SPATA31H1: variants seen among roughly 807,000 people sequenced by gnomAD.
SPATA31H1 encodes the protein spermatogenesis-associated protein 31H1.
chr2:27,538,364 A>G, the SPATA31H1 span, among the ~76,000 whole-genome samples: 142 of 152,266 alleles, frequency 9.3e-4, 1 homozygote, highest in Non-Finnish European at 1.8e-3. Flanking sequence ...AGTTTCTACA[A>G]TTCTAGCAAG....
the SPATA31H1 span, among the ~76,000 whole-genome samples, chr2:27,545,980 G>A: frequency 1.3e-5 from 2 of 151,922 alleles, no homozygotes; most frequent in Admixed American, 1.3e-4. Flanking sequence ...TGGCCATTTG[G>A]AAATTCTCTT....
At chr2:27,547,964 AT>A in the SPATA31H1 span, among the ~76,000 whole-genome samples, 3 of 148,574 alleles carry the variant, frequency 2.0e-5, no homozygotes, top group Non-Finnish European at 3.0e-5. Flanking sequence ...ATGCCAAAAA[AT>A]TTAATAGTAA....
At chr2:27,539,637 C>T in the SPATA31H1 span, among the ~76,000 whole-genome samples, 1 of 111,454 alleles carries the variant, frequency 9.0e-6, no homozygotes, top group South Asian at 3.1e-4. Flanking sequence ...CTGGGCACAC[C>T]TCCCAGACGG....
At chr2:27,574,528 C>T in the SPATA31H1 span, 2,319 of 398,432 alleles carry the variant, frequency 5.8e-3, 13 homozygotes, top group Middle Eastern at 8.2e-3. Flanking sequence ...AAGTTCAGTT[C>T]TGGACAACAC....
the SPATA31H1 span, chr2:27,580,429 C>T: frequency 6.2e-7 from 1 of 1,614,024 alleles, no homozygotes; most frequent in South Asian, 1.1e-5. Context: ...ACCTCTGATT[C>T]AAAATATCCA....
chr2:27,540,629 A>G, the SPATA31H1 span, among the ~76,000 whole-genome samples: 2 of 140,436 alleles, frequency 1.4e-5, no homozygotes, highest in African/African-American at 2.7e-5. Flanking sequence ...CTCACTTCTC[A>G]GATGGGGCGG....
the SPATA31H1 span, among the ~76,000 whole-genome samples, chr2:27,550,878 A>C: frequency 4.7e-5 from 7 of 150,426 alleles, no homozygotes; most frequent in South Asian, 8.4e-4. Flanking sequence ...GCTTTTGTTT[A>C]TTTTCTTTTC....
chr2:27,568,955 C>T, the SPATA31H1 span: 21 of 398,768 alleles, frequency 5.3e-5, no homozygotes, highest in African/African-American at 2.3e-4. Flanking sequence ...AGATGATCTC[C>T]GGACCAGGAT....
the SPATA31H1 span, chr2:27,579,528 A>C: frequency 1.2e-6 from 2 of 1,614,244 alleles, no homozygotes; most frequent in Non-Finnish European, 8.5e-7. Context: ...CACATCTTCC[A>C]TAATACAGCA....
At chr2:27,569,103 T>C in the SPATA31H1 span, 1 of 398,938 alleles carries the variant, frequency 2.5e-6, no homozygotes, top group Non-Finnish European at 4.4e-6. Context: ...GAGCTCAGTG[T>C]CATTCCAAGA....
At chr2:27,571,049 T>C in the SPATA31H1 span, 1 of 398,468 alleles carries the variant, frequency 2.5e-6, no homozygotes, top group Admixed American at 4.4e-5. Context: ...AACTTAAAGG[T>C]TTCAGATCTG....
At chr2:27,581,963 C>G in the SPATA31H1 span, 1 of 1,612,770 alleles carries the variant, frequency 6.2e-7, no homozygotes, top group African/African-American at 1.3e-5. Context: ...CTGAGAGAAG[C>G]CATCACAGTC....
At chr2:27,569,104 C>T in the SPATA31H1 span, 3 of 398,862 alleles carry the variant, frequency 7.5e-6, no homozygotes, top group Non-Finnish European at 1.3e-5. Context: ...AGCTCAGTGT[C>T]ATTCCAAGAC....
chr2:27,579,681 T>C, the SPATA31H1 span: 2 of 1,614,148 alleles, frequency 1.2e-6, no homozygotes, highest in Non-Finnish European at 1.7e-6. Context: ...CCTCAGCATA[T>C]TTTACGATAG....
the SPATA31H1 span, chr2:27,577,335 C>T: frequency 6.2e-7 from 1 of 1,613,932 alleles, no homozygotes; most frequent in African/African-American, 1.3e-5. This position sits in a 1 kb window ranked among gnomAD's most constrained non-coding sequence, Gnocchi z 4.5. Context: ...ATATATGAAG[C>T]CACTGCAGCA....
At chr2:27,572,033 T>C in the SPATA31H1 span, 36 of 398,382 alleles carry the variant, frequency 9.0e-5, no homozygotes, top group African/African-American at 6.4e-4. Flanking sequence ...AGTCAGAAGG[T>C]GTAATGTCTT....
At chr2:27,582,395 C>T in the SPATA31H1 span, 1 of 1,614,212 alleles carries the variant, frequency 6.2e-7, no homozygotes. Context: ...AGGAGGGACT[C>T]AAGTACAGTT....
the SPATA31H1 span, among the ~76,000 whole-genome samples, chr2:27,548,081 A>G: frequency 6.9e-6 from 1 of 145,804 alleles, no homozygotes; most frequent in East Asian, 2.0e-4. Context: ...TCCTGGGTTC[A>G]CGCCATTCTC....
chr2:27,576,978 A>G, the SPATA31H1 span: 1 of 1,614,118 alleles, frequency 6.2e-7, no homozygotes, highest in Admixed American at 1.7e-5. Flanking sequence ...TGCAGAGATG[A>G]TCCCACAGCC....
Sources: gnomAD v4.1 joint callset for allele counts (sites outside exome capture counted in the v4.1 genomes callset) on GRCh38, gnomAD v4.1.1 for gene constraint, Gnocchi (gnomAD v3.1) non-coding constraint, MANE v1.5 for transcripts, NCBI Gene and HGNC (gene_info 2026-07-23, HGNC 2026-07-21) for gene names.